C17orf67: variants seen among roughly 807,000 people sequenced by gnomAD.
The protein encoded by C17orf67 is chromosome 17 open reading frame 67, also known as uncharacterized protein C17orf67.
C17orf67 carries 12 observed loss-of-function variants against 11.2 expected under a neutral mutation model. That is an observed-to-expected ratio of 1.07 (90% CI 0.68 to 1.73). The LOEUF (loss-of-function observed/expected upper bound fraction) is 1.73. Among genes scored for constraint, C17orf67 ranks in the 40% most tolerant of loss-of-function variants. The pLI, the probability that C17orf67 is intolerant of heterozygous loss-of-function variation, is 0.00. For missense variants in C17orf67, 115 were observed against 113.5 expected (o/e 1.01, Z -0.06); for synonymous variants, 59 against 46.9 (o/e 1.26, Z -1.05).
chr17:56,796,957 C>A (rs1427165260), intron 6 of C17orf67, among the ~76,000 whole-genome samples: 1 of 152,118 alleles, frequency 6.6e-6, no homozygotes, highest in Non-Finnish European at 1.5e-5. Context: ...TGCCTCTACC[C>A]ACGGGTTTTG....
intron 6 of C17orf67, among the ~76,000 whole-genome samples, chr17:56,801,857 T>G (rs1377653581): frequency 6.6e-6 from 1 of 152,206 alleles, no homozygotes; most frequent in Non-Finnish European, 1.5e-5. Flanking sequence ...TGTTCAACTA[T>G]TCTGTGGAAG....
intron 2 of C17orf67, among the ~76,000 whole-genome samples, chr17:56,830,068 G>A (rs1458333462): frequency 6.6e-6 from 1 of 152,138 alleles, no homozygotes; most frequent in Non-Finnish European, 1.5e-5. Context: ...ATTTGGCCGG[G>A]CGTGGTGGCT....
rs781236393 is a variant in C17orf67, at chr17:56,795,151, C to T, written c.186G>A (p.Glu62=). ...CCAGGAACTGCTCCTCAGCGCGATG[C>T]TCCAGGGCGAGCAGGTGGTGCATGT... ...REYMHHLLAL[E]HRAEEQFLEH... The change falls in exon 7 of 8, where the codon GAG becomes GAA. Residue 62 remains glutamate, a synonymous_variant. Transcript: ENST00000397861. The T allele has an allele frequency of 1.2e-6, 2 of 1,614,176 alleles. No homozygotes were observed. The highest frequency in any genetic ancestry group is 2.2e-5 in the South Asian group (2 of 91,086).
At chr17:56,802,536 T>C (rs1456402273) in intron 6 of C17orf67, among the ~76,000 whole-genome samples, 1 of 152,212 alleles carries the variant, frequency 6.6e-6, no homozygotes, top group East Asian at 1.9e-4. Context: ...TTATTTCTTG[T>C]TGGTTTGCCT....
intron 2 of C17orf67, among the ~76,000 whole-genome samples, chr17:56,831,808 T>C (rs559219438): frequency 1.3e-5 from 2 of 152,282 alleles, no homozygotes; most frequent in East Asian, 1.9e-4. Flanking sequence ...GATCCCCTCC[T>C]TGACCAAGCT....
At chr17:56,799,715 C>T (rs1905275777) in intron 6 of C17orf67, among the ~76,000 whole-genome samples, 1 of 152,208 alleles carries the variant, frequency 6.6e-6, no homozygotes, top group South Asian at 2.1e-4. Context: ...AGTTCTGTTG[C>T]TTCACATCCT....
intron 6 of C17orf67, among the ~76,000 whole-genome samples, chr17:56,797,559 A>G (rs930437866): frequency 1.3e-5 from 2 of 152,174 alleles, no homozygotes; most frequent in East Asian, 3.9e-4. Flanking sequence ...GTCAGGGCAG[A>G]GAAAAACCGC....
chr17:56,825,839 C>T (rs1327348669), intron 2 of C17orf67, among the ~76,000 whole-genome samples: 2 of 151,910 alleles, frequency 1.3e-5, no homozygotes, highest in Non-Finnish European at 2.9e-5. Flanking sequence ...ATGGAATAGA[C>T]CAAAATGTTC....
At chr17:56,796,126 C>T (rs1905209218) in intron 6 of C17orf67, among the ~76,000 whole-genome samples, 1 of 152,136 alleles carries the variant, frequency 6.6e-6, no homozygotes, top group African/African-American at 2.4e-5. Flanking sequence ...AATAGTCTGG[C>T]AGTTCCTTAC....
At chr17:56,819,744 C>A (rs576061741) in intron 4 of C17orf67, among the ~76,000 whole-genome samples, 1 of 152,184 alleles carries the variant, frequency 6.6e-6, no homozygotes, top group African/African-American at 2.4e-5. Flanking sequence ...GGTGAGAATT[C>A]TCTTCTAAAC....
At chr17:56,815,573 A>G (rs898672517) in intron 5 of C17orf67, among the ~76,000 whole-genome samples, 183 bp downstream of exon 5, 6 of 151,482 alleles carry the variant, frequency 4.0e-5, no homozygotes, top group African/African-American at 1.4e-4. Context: ...TTTTTAAAAA[A>G]TATATAACAT....
Position 56,807,899 on chromosome 17 carries a change from TAAATAATA to T in C17orf67, c.156+6962_156+6969del, listed in dbSNP as rs1206272214. On this transcript the variant is annotated intron_variant, in intron 6 of 7. Transcript: ENST00000397861. Reference sequence around the variant, plus strand: ...AGTGAGACCCTGTCTCAAAAATAAATAAATAATAAATAAATAAATAAATAAATAAATAA... The same window carrying T: ...AGTGAGACCCTGTCTCAAAAATAAATAATAAATAAATAAATAAATAAATAA... 4.1e-4 allele frequency among the ~76,000 whole-genome samples: 39 copies of T among 94,942 alleles called. 1 individual carries two copies. Among genetic ancestry groups the T allele is most frequent in the Admixed American group, 1.9e-3 (13 of 6,718 alleles). 62.3% of individuals were successfully genotyped at this position (94,942 alleles called of 152,430 possible).
chr17:56,808,350 C>T (rs185237368), intron 6 of C17orf67, among the ~76,000 whole-genome samples: 41 of 152,242 alleles, frequency 2.7e-4, no homozygotes, highest in African/African-American at 9.4e-4. Context: ...TAAATGTATC[C>T]GTTATTCCTG....
chr17:56,795,018 G>T, intron 7 of C17orf67, 26 bp downstream of exon 7: 1 of 1,514,212 alleles, frequency 6.6e-7, no homozygotes, highest in Non-Finnish European at 9.2e-7. Context: ...CTCAGACAGA[G>T]GTCCGGGAGA....
chr17:56,814,164 C>T lies in C17orf67; in HGVS notation c.156+705G>A, dbSNP rs568355832. Among the ~76,000 whole-genome samples the T allele has an allele frequency of 1.1e-4, 17 of 152,294 alleles. No individual in the cohort carries two copies. The South Asian group carries it at 3.5e-3, about 32-fold the overall frequency. The stretch of plus-strand genomic sequence containing the variant: ...TGAAGGGGCCAGGATGGGAGACCAG[C>T]CTGACAGACAGGCTTCCCAGACATT... On this transcript the variant is annotated intron_variant, in intron 6 of 7. Transcript: ENST00000397861.
chr17:56,807,219 C>A (rs147724791), intron 6 of C17orf67, among the ~76,000 whole-genome samples: 17 of 152,258 alleles, frequency 1.1e-4, no homozygotes, highest in African/African-American at 3.6e-4. Flanking sequence ...CGGGAGCCAC[C>A]AAGTGGAATG....
chr17:56,826,779 G>T (rs1233563639), intron 2 of C17orf67, among the ~76,000 whole-genome samples: 2 of 152,240 alleles, frequency 1.3e-5, no homozygotes, highest in Admixed American at 6.5e-5. Context: ...AGTTAAAACA[G>T]TGATCTCAGT....
At chr17:56,822,703 C>G (rs1024379236) in intron 4 of C17orf67, among the ~76,000 whole-genome samples, 3 of 152,112 alleles carry the variant, frequency 2.0e-5, no homozygotes, top group African/African-American at 7.2e-5. Context: ...AGACACACAA[C>G]TTTATTGTTG....
chr17:56,807,891 A>AAAAT lies in C17orf67; in HGVS notation c.156+6974_156+6977dup, dbSNP rs777637483. ...GGCAACACAGTGAGACCCTGTCTCA[A>AAAAT]AAATAAATAAATAATAAATAAATAA... On this transcript the variant is annotated intron_variant, in intron 6 of 7. Coordinates refer to ENST00000397861, the MANE Select transcript of C17orf67 (RefSeq NM_001085430.4). Among the ~76,000 whole-genome samples, 1,079 of 128,582 alleles carry AAAAT rather than the reference A, an allele frequency of 8.4e-3. 11 individuals are homozygous for AAAAT. The highest frequency in any genetic ancestry group is 0.013 in the Admixed American group (141 of 11,210). 84.4% of individuals were successfully genotyped at this position (128,582 alleles called of 152,430 possible). A position where few individuals can be genotyped will look rare whatever the true frequency, so the allele number is the denominator to read the frequency against.
Sources: allele counts gnomAD v4.1 joint callset (sites outside exome capture counted in the v4.1 genomes callset), GRCh38; gene constraint gnomAD v4.1.1; transcripts MANE v1.5; gene names NCBI Gene and HGNC (gene_info 2026-07-23, HGNC 2026-07-21).